CHIC2: variants seen among roughly 807,000 people sequenced by gnomAD.
The protein encoded by CHIC2 is cysteine rich hydrophobic domain 2, also known as cysteine-rich hydrophobic domain-containing protein 2.
A neutral mutation model predicts 25.9 loss-of-function variants in CHIC2; 14 were observed. The ratio of observed to expected loss-of-function variants is 0.54; its 90% CI spans 0.36 to 0.85. The LOEUF (loss-of-function observed/expected upper bound fraction) is 0.85. Ranked by LOEUF, CHIC2 falls within the 40% of genes least tolerant of loss-of-function variation. The pLI is 0.01. For missense variants in CHIC2, 146 were observed against 202.0 expected (o/e 0.72, Z 1.68); for synonymous variants, 70 against 72.0 (o/e 0.97, Z 0.14).
chr4:54,070,978 A>G, the CHIC2 span, among the ~76,000 whole-genome samples: 121 of 152,296 alleles, frequency 7.9e-4, no homozygotes, highest in Non-Finnish European at 8.8e-4. Flanking sequence ...TGCCCGCAGT[A>G]TAAGTAATAG....
chr4:54,080,406 G>A, the CHIC2 span, among the ~76,000 whole-genome samples: 1 of 151,834 alleles, frequency 6.6e-6, no homozygotes, highest in African/African-American at 2.4e-5. Context: ...TTGGGGTGCA[G>A]GGTAAGGGGA....
chr4:54,015,468 C>T (rs1577961795), intron 3 of CHIC2, among the ~76,000 whole-genome samples: 1 of 152,218 alleles, frequency 6.6e-6, no homozygotes, highest in East Asian at 1.9e-4. Flanking sequence ...TATGGTCACA[C>T]TTTTTGTTAA....
At chr4:54,057,331 AC>A (rs1286709039) in intron 1 of CHIC2, among the ~76,000 whole-genome samples, 1 of 152,036 alleles carries the variant, frequency 6.6e-6, no homozygotes, top group Admixed American at 6.6e-5. Flanking sequence ...CCCCTACTGA[AC>A]CCTCCAACCT....
chr4:54,057,729 T>C (rs1021837185), intron 1 of CHIC2, among the ~76,000 whole-genome samples: 1 of 152,112 alleles, frequency 6.6e-6, no homozygotes, highest in South Asian at 2.1e-4. Flanking sequence ...AAATTACTTA[T>C]CAGGAAACCT....
chr4:54,060,928 C>G (rs908467604), intron 1 of CHIC2: 1 of 152,074 alleles, frequency 6.6e-6, no homozygotes, highest in Non-Finnish European at 1.5e-5. Context: ...AGGAATTTAT[C>G]ATTTATTTTC....
chr4:54,011,270 T>C (rs1315021285), intron 5 of CHIC2, among the ~76,000 whole-genome samples: 1 of 152,108 alleles, frequency 6.6e-6, no homozygotes, highest in Non-Finnish European at 1.5e-5. Flanking sequence ...AAGATACACT[T>C]CTATACCTGG....
chr4:54,090,775 T>A, the CHIC2 span, among the ~76,000 whole-genome samples: 1 of 152,090 alleles, frequency 6.6e-6, no homozygotes, highest in African/African-American at 2.4e-5. Flanking sequence ...CCAAACTCAG[T>A]GGTGCAGTGA....
chr4:54,024,029 T>G (rs1400915966), intron 3 of CHIC2, among the ~76,000 whole-genome samples: 1 of 152,164 alleles, frequency 6.6e-6, no homozygotes, highest in Admixed American at 6.5e-5. Context: ...GCTGATAAGG[T>G]AGCTAAACAA....
At chr4:54,048,855 G>T in intron 3 of CHIC2, 100 bp downstream of exon 3, 1 of 971,468 alleles carries the variant, frequency 1.0e-6, no homozygotes, top group Admixed American at 3.3e-5. Flanking sequence ...ATTTTATTCA[G>T]GATAGTGTGA....
the CHIC2 span, among the ~76,000 whole-genome samples, chr4:54,086,035 T>A: frequency 6.6e-6 from 1 of 152,106 alleles, no homozygotes; most frequent in Admixed American, 6.5e-5. Context: ...ACTGCAGTCC[T>A]GTATACAGGT....
the CHIC2 span, chr4:54,087,123 C>T: frequency 7.0e-6 from 6 of 858,210 alleles, no homozygotes; most frequent in Non-Finnish European, 1.2e-5. Flanking sequence ...AACTTCTTAG[C>T]TTCAGGATCC....
At chr4:54,090,597 G>A in the CHIC2 span, among the ~76,000 whole-genome samples, 19 of 152,126 alleles carry the variant, frequency 1.2e-4, no homozygotes, top group Non-Finnish European at 2.5e-4. Flanking sequence ...ACACATCAAC[G>A]TCGTCATAGT....
chr4:54,039,481 T>C (rs1577975360), intron 3 of CHIC2, among the ~76,000 whole-genome samples: 1 of 152,192 alleles, frequency 6.6e-6, no homozygotes, highest in Non-Finnish European at 1.5e-5. Flanking sequence ...ATATCATTAC[T>C]CATGAGGGTA....
chr4:54,087,262 A>T, the CHIC2 span: 1 of 599,738 alleles, frequency 1.7e-6, no homozygotes, highest in Non-Finnish European at 3.0e-6. Context: ...GCGAGGACGC[A>T]TTTAAGAACA....
chr4:54,015,013 T>G (rs551180769), intron 3 of CHIC2, among the ~76,000 whole-genome samples: 8 of 152,276 alleles, frequency 5.3e-5, no homozygotes, highest in Non-Finnish European at 8.8e-5. Flanking sequence ...TATGAAAATT[T>G]GCGTGTCAAG....
At chr4:54,041,421 T>C (rs1716575020) in intron 3 of CHIC2, among the ~76,000 whole-genome samples, 1 of 152,078 alleles carries the variant, frequency 6.6e-6, no homozygotes, top group Non-Finnish European at 1.5e-5. Context: ...TCTGTGAAAG[T>C]GAGTGAAATG....
chr4:54,048,576 T>C (rs758916088), intron 3 of CHIC2, among the ~76,000 whole-genome samples: 2 of 152,062 alleles, frequency 1.3e-5, no homozygotes, highest in Non-Finnish European at 1.5e-5. Flanking sequence ...TATATTCAAG[T>C]AGTAGGTGAA....
chr4:54,043,929 T>C (rs547527816), intron 3 of CHIC2, among the ~76,000 whole-genome samples: 6 of 152,136 alleles, frequency 3.9e-5, no homozygotes, highest in Non-Finnish European at 7.4e-5. Flanking sequence ...CAGAGACACA[T>C]ATAGGCTCAA....
chr4:54,077,555 T>C, the CHIC2 span, among the ~76,000 whole-genome samples: 2 of 152,218 alleles, frequency 1.3e-5, no homozygotes, highest in African/African-American at 4.8e-5. Context: ...AATGAATAGT[T>C]CACACTATCT....
Sources: allele counts gnomAD v4.1 joint callset (sites outside exome capture counted in the v4.1 genomes callset), GRCh38; gene constraint gnomAD v4.1.1; transcripts MANE v1.5; gene names NCBI Gene and HGNC (gene_info 2026-07-23, HGNC 2026-07-21).